TRIM37: variants seen among roughly 807,000 people sequenced by gnomAD.
TRIM37 encodes the protein tripartite motif containing 37, also known as E3 ubiquitin-protein ligase TRIM37.
A neutral mutation model predicts 129.8 loss-of-function variants in TRIM37; 80 were observed. The observed-to-expected ratio is 0.62, with a 90% CI of 0.51 to 0.74. TRIM37 has a LOEUF of 0.74. Ranked by LOEUF, TRIM37 falls within the 30% of genes least tolerant of loss-of-function variation. The pLI is 0.00. For synonymous variants in TRIM37, 389 were observed against 387.1 expected (o/e 1.00, Z -0.06); for missense variants, 1,054 against 1,176.5 (o/e 0.90, Z 1.52).
chr17:58,976,105 T>G, the TRIM37 span, among the ~76,000 whole-genome samples: 1 of 152,116 alleles, frequency 6.6e-6, no homozygotes, highest in Non-Finnish European at 1.5e-5. Flanking sequence ...TTTCTATTTT[T>G]AGGACGAGGA....
At chr17:59,063,683 C>T (rs2041691743) in intron 10 of TRIM37, among the ~76,000 whole-genome samples, 2 of 152,202 alleles carry the variant, frequency 1.3e-5, no homozygotes, top group African/African-American at 4.8e-5. Context: ...CTACACATTT[C>T]TTACAATAAT....
intron 24 of TRIM37, among the ~76,000 whole-genome samples, chr17:58,986,293 G>T (rs1354321117): frequency 6.6e-6 from 1 of 151,864 alleles, no homozygotes; most frequent in South Asian, 2.1e-4. Context: ...CTGCCTCCCA[G>T]GTTCAAGCGA....
chr17:59,091,240 A>T lies in TRIM37; in HGVS notation c.164+60T>A. 2.2e-6 allele frequency: 3 copies of T among 1,360,878 alleles called. No homozygotes were observed. The South Asian group carries it at 3.7e-5, about 17-fold the overall frequency. The allele number at this position is 1,360,878 out of a possible 1,614,324, so 84.3% of individuals were successfully genotyped here. ...CAGGAAAACTGCCTTTATGAATCCC[A>T]AGGCACATTCTGATCTTACTATTTT... is the stretch of plus-strand genomic sequence containing the variant. On this transcript the variant is annotated intron_variant, in intron 3 of 23. Coordinates refer to ENST00000262294, the MANE Select transcript of TRIM37 (RefSeq NM_015294.6).
intron 16 of TRIM37, among the ~76,000 whole-genome samples, chr17:59,045,092 C>T (rs1282994213): frequency 6.6e-6 from 1 of 151,736 alleles, no homozygotes; most frequent in African/African-American, 2.4e-5. Flanking sequence ...TTTGGGAGGC[C>T]GAGGCAGGCA....
chr17:59,100,056 C>T (rs1280936885), intron 2 of TRIM37, among the ~76,000 whole-genome samples: 1 of 152,108 alleles, frequency 6.6e-6, no homozygotes, highest in East Asian at 1.9e-4. Flanking sequence ...TCCACTTCGG[C>T]CTCCCAATCC....
chr17:59,094,413 G>A (rs534574689), intron 2 of TRIM37, among the ~76,000 whole-genome samples: 3 of 151,996 alleles, frequency 2.0e-5, no homozygotes, highest in Admixed American at 2.0e-4. Context: ...TCATTAAACT[G>A]GAAGAATCAC....
chr17:59,081,303 T>C (rs1462987860), intron 5 of TRIM37, 84 bp from the exon 6 acceptor site: 3 of 1,550,872 alleles, frequency 1.9e-6, no homozygotes, highest in Non-Finnish European at 2.6e-6. Flanking sequence ...TGGACACTAA[T>C]AAACTGGTAA....
In TRIM37 at chr17:59,041,817, G is replaced by A. The variant is rs373784343; in HGVS notation, c.1749C>T (p.Pro583=). 10 of 1,612,808 alleles carry A rather than the reference G, an allele frequency of 6.2e-6. No individual in the cohort carries two copies. Among genetic ancestry groups the A allele is most frequent in the Non-Finnish European group, 8.5e-6 (10 of 1,179,082 alleles). Residue 583 remains proline (P), a synonymous_variant, in exon 17 of 24, where the codon CCC becomes CCT. Coordinates refer to ENST00000262294, the MANE Select transcript of TRIM37 (RefSeq NM_015294.6). ...ELMEDAAAAG[P]AGSSHGYVGS... ...GCAGTGGAGTGACCTCATTACCTGC[G>A]GGTCCTGCAGCAGCTGCATCTTCCA...
Position 59,031,921 on chromosome 17 carries a change from T to G in TRIM37, c.1923A>C (p.Pro641=). Residue 641 remains proline, a synonymous_variant, in exon 18 of 24, where the codon CCA becomes CCC. Coordinates refer to ENST00000262294, the MANE Select transcript of TRIM37 (RefSeq NM_015294.6). The part of the protein sequence containing the change: ...IENLWGLQPR[P]PASLLQPTAS... Reference sequence around the variant, plus strand: ...CTGTGGGCTGCAGAAGTGAAGCAGGTGGGCGAGGCTGTAAGCCCCACAAAT... The same window carrying G: ...CTGTGGGCTGCAGAAGTGAAGCAGGGGGGCGAGGCTGTAAGCCCCACAAAT... The G allele has an allele frequency of 6.2e-7, 1 of 1,614,054 alleles. No individual in the cohort carries two copies. The highest frequency in any genetic ancestry group is 8.5e-7 in the Non-Finnish European group (1 of 1,179,950).
chr17:59,102,473 G>A (rs1407554699), intron 2 of TRIM37, among the ~76,000 whole-genome samples: 1 of 152,204 alleles, frequency 6.6e-6, no homozygotes. Context: ...ACATGGGTAA[G>A]TGTTAATGTG....
chr17:59,047,726 C>T lies in TRIM37; in HGVS notation c.1624G>A (p.Ala542Thr). ...TCATTTTCTTCTGTATTACTTGTTG[C>T]TGTGGAACTAGCAGAGGAACTGCTG... ...DGSSSSASST[A>T]TSNTEENDID... is the part of the protein sequence containing the mutation. Residue 542 changes from alanine (A) to threonine (T), a missense_variant, in exon 16 of 24, where the codon GCA (alanine) becomes ACA (threonine). By Grantham distance (58) the Ala-to-Thr change is moderately conservative (BLOSUM62 0). Around this residue, in one of 3 missense-constraint regions of TRIM37, gnomAD observed 752 missense variants for 870.8 expected, o/e 0.86. Transcript: ENST00000262294. 4 of 1,614,076 alleles carry T rather than the reference C, an allele frequency of 2.5e-6. No individual in the cohort carries two copies. Among genetic ancestry groups the T allele is most frequent in the Middle Eastern group, 1.6e-4 (1 of 6,062 alleles).
intron 13 of TRIM37, 43 bp downstream of exon 13, chr17:59,056,828 ATTAT>A: frequency 7.1e-7 from 1 of 1,411,830 alleles, no homozygotes; most frequent in Non-Finnish European, 9.7e-7. Flanking sequence ...TTCTGATGAT[ATTAT>A]TTCCCCACAA....
chr17:59,014,990 T>C (rs2035733090), intron 21 of TRIM37, among the ~76,000 whole-genome samples: 1 of 146,694 alleles, frequency 6.8e-6, no homozygotes. Flanking sequence ...GGTAGGAGAA[T>C]GGCATGAACC....
chr17:59,060,994 A>AATGC (rs1568132744), intron 12 of TRIM37, 38 bp downstream of exon 12: 2 of 1,512,894 alleles, frequency 1.3e-6, no homozygotes, highest in African/African-American at 2.7e-5. Flanking sequence ...AAGGTATGTA[A>AATGC]ATGCACATTA....
intron 22 of TRIM37, among the ~76,000 whole-genome samples, chr17:59,006,653 C>T (rs1488737944): frequency 2.0e-5 from 3 of 152,096 alleles, no homozygotes; most frequent in African/African-American, 7.2e-5. Flanking sequence ...CTTTGGGTGG[C>T]CAAGGCAGGC....
downstream of TRIM37, among the ~76,000 whole-genome samples, chr17:58,994,566 G>C (rs1479814425): frequency 6.6e-6 from 1 of 152,014 alleles, no homozygotes; most frequent in Non-Finnish European, 1.5e-5. Flanking sequence ...CTGGGCAACA[G>C]AATGAGACCG....
Position 59,083,994 on chromosome 17 carries a change from CT to C in TRIM37, c.369+7del, listed in dbSNP as rs1402190683. ...ACTTAAAAAAAATACTGAATTTGTT[CT>C]GCTCACCATTCCTCCCCAAAGTGCA... is the stretch of plus-strand genomic sequence containing the variant. On this transcript the variant is annotated splice_region_variant and intron_variant, in intron 5 of 23. Coordinates refer to ENST00000262294, the MANE Select transcript of TRIM37 (RefSeq NM_015294.6). 2 of 1,611,724 alleles carry C rather than the reference CT, an allele frequency of 1.2e-6. No individual in the cohort carries two copies. The highest frequency in any genetic ancestry group is 1.7e-6 in the Non-Finnish European group (2 of 1,178,140).
At chr17:59,071,074 C>A in intron 8 of TRIM37, 127 bp from the exon 9 acceptor site, 1 of 1,078,192 alleles carries the variant, frequency 9.3e-7, no homozygotes. Context: ...TCAAAGTGAG[C>A]TTGAGAATTA....
intron 1 of TRIM37, among the ~76,000 whole-genome samples, chr17:59,105,185 G>GTAT (rs2045886153): frequency 1.3e-5 from 2 of 151,898 alleles, no homozygotes; most frequent in African/African-American, 4.8e-5. Context: ...TCCCCAAAAG[G>GTAT]TATAAACTGA....
Sources: gnomAD v4.1 joint callset for allele counts (sites outside exome capture counted in the v4.1 genomes callset) on GRCh38, gnomAD v4.1.1 for gene constraint, gnomAD v4.1.1 regional missense constraint, MANE v1.5 for transcripts, NCBI Gene and HGNC (gene_info 2026-07-23, HGNC 2026-07-21) for gene names.